DENR: variants seen among roughly 807,000 people sequenced by gnomAD.
DENR encodes density-regulated protein.
In DENR, 6 loss-of-function variants were observed where a neutral mutation model predicts 30.6. The observed-to-expected ratio is 0.20, with a 90% CI of 0.11 to 0.39. The LOEUF is 0.39. Ranked by LOEUF, DENR falls within the 10% of genes least tolerant of loss-of-function variation. The pLI is 1.00. For missense variants in DENR, 141 were observed against 230.9 expected (o/e 0.61, Z 2.52); for synonymous variants, 78 against 72.1 (o/e 1.08, Z -0.41).
intron 2 of DENR, among the ~76,000 whole-genome samples, chr12:122,759,137 C>T (rs1878630258): frequency 6.6e-6 from 1 of 152,104 alleles, no homozygotes; most frequent in South Asian, 2.1e-4. Context: ...AGCCACCACA[C>T]CCGGCCTAGA....
intron 2 of DENR, 59 bp downstream of exon 2, chr12:122,753,866 A>G: frequency 3.0e-6 from 4 of 1,327,920 alleles, no homozygotes; most frequent in Non-Finnish European, 4.3e-6. Context: ...CATTGTAATA[A>G]CAGTTTGACA....
chr12:122,768,946 G>A lies in DENR; in HGVS notation c.552+25G>A, dbSNP rs769460847. ...GGTGAGTGCATGGAACACATACATC[G>A]CTAGAGATAAGTTTTTAAAGCAAAT... On this transcript the variant is annotated intron_variant, in intron 7 of 7. Transcript: ENST00000280557. The A allele has an allele frequency of 2.9e-5, 46 of 1,603,840 alleles. 1 individual carries two copies. In the South Asian group the frequency reaches 4.2e-4, roughly 14 times the overall value.
At chr12:122,768,750 A>C (rs1333406812) in intron 6 of DENR, 32 bp from the exon 7 acceptor site, 10 of 1,503,370 alleles carry the variant, frequency 6.7e-6, no homozygotes, top group Non-Finnish European at 8.0e-6. Flanking sequence ...TTCCAATTAC[A>C]GTTCTTGCTC....
intron 5 of DENR, among the ~76,000 whole-genome samples, chr12:122,766,239 G>GT (rs1162862704): frequency 5.3e-5 from 8 of 152,254 alleles, no homozygotes; most frequent in Admixed American, 5.2e-4. Flanking sequence ...AGGGTCAGCA[G>GT]TGGCTTAGTT....
intron 5 of DENR, among the ~76,000 whole-genome samples, chr12:122,767,235 C>T (rs1243467586): frequency 2.6e-5 from 4 of 152,184 alleles, no homozygotes; most frequent in African/African-American, 7.2e-5. Flanking sequence ...TCTTTTTTTA[C>T]TCCCTTCACT....
chr12:122,756,366 T>A (rs368684303), intron 2 of DENR, among the ~76,000 whole-genome samples: 16 of 152,266 alleles, frequency 1.1e-4, no homozygotes, highest in African/African-American at 3.4e-4. Context: ...GGAGAATCGC[T>A]TAAACCTGGG....
intron 3 of DENR, 96 bp from the exon 4 acceptor site, chr12:122,762,749 C>G: frequency 1.8e-5 from 14 of 772,170 alleles, no homozygotes; most frequent in Admixed American, 6.2e-5. Context: ...TTGTTTTATT[C>G]TTTGTATTAA....
In DENR at chr12:122,765,407, CTTGAT is replaced by C. The variant is rs1386482475; in HGVS notation, c.295+24_295+28del. 5 of 1,535,488 alleles carry C rather than the reference CTTGAT, an allele frequency of 3.3e-6. No homozygotes were observed. The African/African-American group carries it at 6.9e-5, about 21-fold the overall frequency. The stretch of plus-strand genomic sequence containing the variant: ...AGAGAGGTAAGACCTAAATTCACAT[CTTGAT>C]TTGTACAGTCATACCGTCACTGCGA... On this transcript the variant is annotated intron_variant, in intron 5 of 7. Coordinates refer to ENST00000280557, the MANE Select transcript of DENR (RefSeq NM_003677.5).
intron 5 of DENR, among the ~76,000 whole-genome samples, chr12:122,766,556 C>T (rs537614215): frequency 2.0e-5 from 3 of 152,100 alleles, no homozygotes; most frequent in African/African-American, 7.2e-5. Context: ...GTGCTTTATC[C>T]CAGAAGCACC....
chr12:122,769,167 C>A lies in DENR; in HGVS notation c.*89C>A. The A allele has an allele frequency of 1.8e-6, 2 of 1,100,538 alleles. No individual in the cohort carries two copies. Among genetic ancestry groups the A allele is most frequent in the South Asian group, 2.1e-5 (1 of 46,864 alleles). The allele number at this position is 1,100,538 out of a possible 1,614,324, so 68.2% of individuals were successfully genotyped here. ...GCCTTTTAAAATATATATATATATA[C>A]ACATATATATGTATATATACACATA... is the stretch of plus-strand genomic sequence containing the variant. On this transcript the variant is annotated 3_prime_UTR_variant, in exon 8 of 8. Transcript: ENST00000280557.
Position 122,771,038 on chromosome 12 carries a change from C to T in DENR, c.*1960C>T. On this transcript the variant is annotated 3_prime_UTR_variant, in exon 8 of 8. Transcript: ENST00000280557. ...CAGTGGATGTTACTCCAGGAAAATGCAGGATTAAAATTGTCCTTGTGTATA... is the reference window on the plus strand; with the variant it reads ...CAGTGGATGTTACTCCAGGAAAATGTAGGATTAAAATTGTCCTTGTGTATA... 2 of 291,016 alleles carry T rather than the reference C, an allele frequency of 6.9e-6. No individual in the cohort carries two copies. Among genetic ancestry groups the T allele is most frequent in the Non-Finnish European group, 1.3e-5 (2 of 159,264 alleles). The allele number at this position is 291,016 out of a possible 1,614,324, so 18.0% of individuals were successfully genotyped here. A position where few individuals can be genotyped will look rare whatever the true frequency, so the allele number is the denominator to read the frequency against.
At chr12:122,753,469 C>G (rs1878468752) in intron 1 of DENR, among the ~76,000 whole-genome samples, 1 of 152,184 alleles carries the variant, frequency 6.6e-6, no homozygotes, top group Non-Finnish European at 1.5e-5. Flanking sequence ...TCTGCCCCAT[C>G]CTTCATGGTC....
At chr12:122,761,555 C>A (rs766229564) in intron 2 of DENR, among the ~76,000 whole-genome samples, 3 of 152,342 alleles carry the variant, frequency 2.0e-5, no homozygotes, top group Non-Finnish European at 2.9e-5. Context: ...AACAGTGCTT[C>A]ACGCCTGTGA....
At chr12:122,758,616 G>A (rs991830742) in intron 2 of DENR, among the ~76,000 whole-genome samples, 1 of 151,994 alleles carries the variant, frequency 6.6e-6, no homozygotes, top group Non-Finnish European at 1.5e-5. Flanking sequence ...ACCAGCCTGG[G>A]CAACATAGTG....
At position 122,769,382 on chromosome 12, in the gene DENR, G is replaced by A. The variant is rs1217776493; in HGVS notation, c.*304G>A. On this transcript the variant is annotated 3_prime_UTR_variant, in exon 8 of 8. Transcript: ENST00000280557. The stretch of plus-strand genomic sequence containing the variant: ...TCGTCCTTGGCATTTTCACTGTTCT[G>A]TACAAGGCTGCTTGTTTTTTTATTG... The A allele has an allele frequency of 2.0e-6, 2 of 989,258 alleles. No homozygotes were observed. Among genetic ancestry groups the A allele is most frequent in the East Asian group, 1.1e-4 (1 of 9,182 alleles). The allele number at this position is 989,258 out of a possible 1,614,324, so 61.3% of individuals were successfully genotyped here.
chr12:122,761,902 G>A (rs1300082984), intron 2 of DENR, among the ~76,000 whole-genome samples: 2 of 152,148 alleles, frequency 1.3e-5, no homozygotes, highest in African/African-American at 4.8e-5. Context: ...CCACTGAAAT[G>A]GTTATGGTAA....
At chr12:122,764,157 T>C (rs554987718) in intron 4 of DENR, among the ~76,000 whole-genome samples, 11 of 152,186 alleles carry the variant, frequency 7.2e-5, no homozygotes, top group Non-Finnish European at 8.8e-5. Context: ...GAGTTTGATA[T>C]GAAGTCAGAG....
intron 2 of DENR, among the ~76,000 whole-genome samples, chr12:122,760,956 T>TA (rs147428577): frequency 6.6e-6 from 1 of 151,892 alleles, no homozygotes; most frequent in South Asian, 2.1e-4. Context: ...TCTACAAAAA[T>TA]AAAAAACTTA....
At chr12:122,759,845 T>C (rs1424860517) in intron 2 of DENR, among the ~76,000 whole-genome samples, 4 of 152,190 alleles carry the variant, frequency 2.6e-5, no homozygotes, top group Non-Finnish European at 5.9e-5. Context: ...TGAACAACTA[T>C]GCCTAGTATT....
Sources: gnomAD v4.1 joint callset for allele counts (sites outside exome capture counted in the v4.1 genomes callset) on GRCh38, gnomAD v4.1.1 for gene constraint, MANE v1.5 for transcripts, NCBI Gene and HGNC (gene_info 2026-07-23, HGNC 2026-07-21) for gene names.